PIGL: variants seen among roughly 807,000 people sequenced by gnomAD.
PIGL encodes the protein phosphatidylinositol glycan anchor biosynthesis class L, also known as N-acetylglucosaminyl-phosphatidylinositol de-N-acetylase.
A neutral mutation model predicts 31.1 loss-of-function variants in PIGL; 22 were observed. That is an observed-to-expected ratio of 0.71 (90% CI 0.51 to 1.01). The LOEUF is 1.01. Ranked by LOEUF, PIGL falls within the 50% of genes least tolerant of loss-of-function variation. The pLI, the probability that PIGL is intolerant of heterozygous loss-of-function variation, is 0.00. For synonymous variants in PIGL, 131 were observed against 117.4 expected, an observed-to-expected ratio of 1.12 and a Z score of -0.75; for missense variants, 302 against 315.9, an observed-to-expected ratio of 0.96 and a Z score of 0.33.
chr17:16,226,003 G>GAAA (rs59842953), intron 1 of PIGL, among the ~76,000 whole-genome samples: 1 of 129,484 alleles, frequency 7.7e-6, no homozygotes, highest in Non-Finnish European at 1.7e-5. Context: ...GCCAGACCAG[G>GAAA]AAAAAAAAAA....
intron 1 of PIGL, chr17:16,217,914 G>T (rs1183499147): frequency 6.5e-6 from 1 of 153,252 alleles, no homozygotes; most frequent in Admixed American, 6.5e-5. Context: ...TGCAGCTTGT[G>T]CTAGTAACAT....
intron 2 of PIGL, among the ~76,000 whole-genome samples, chr17:16,239,632 G>A (rs999021551): frequency 2.0e-5 from 3 of 152,190 alleles, no homozygotes; most frequent in African/African-American, 7.2e-5. Context: ...AGTGGAGAGA[G>A]ATGATGAGTT....
intron 2 of PIGL, among the ~76,000 whole-genome samples, chr17:16,262,034 T>A (rs566313173): frequency 4.5e-4 from 68 of 151,992 alleles, no homozygotes; most frequent in Middle Eastern, 3.4e-3. Flanking sequence ...ACCAGCCTGG[T>A]CGACATGGTG....
chr17:16,289,598 G>A (rs2092951899), intron 2 of PIGL, among the ~76,000 whole-genome samples: 1 of 152,170 alleles, frequency 6.6e-6, no homozygotes, highest in Non-Finnish European at 1.5e-5. Context: ...TAAAATGAAA[G>A]GAAGTTTCTA....
chr17:16,272,724 G>A (rs2092877886), intron 2 of PIGL, among the ~76,000 whole-genome samples: 1 of 152,094 alleles, frequency 6.6e-6, no homozygotes, highest in Non-Finnish European at 1.5e-5. Context: ...CAGCAGCTCT[G>A]GCCAATGCTG....
intron 4 of PIGL, among the ~76,000 whole-genome samples, chr17:16,315,482 GGTCCCCCTGTCCCC>G (rs972111440): frequency 4.6e-5 from 7 of 151,890 alleles, no homozygotes; most frequent in Middle Eastern, 3.4e-3. Context: ...GTGGCCCCTT[GGTCCCCCTGTCCCC>G]AGGGCTCACT....
At chr17:16,272,830 G>A (rs746541876) in intron 2 of PIGL, among the ~76,000 whole-genome samples, 5 of 152,042 alleles carry the variant, frequency 3.3e-5, no homozygotes, top group Admixed American at 6.6e-5. Context: ...CACTTGGGTC[G>A]GTCACCTTCA....
At chr17:16,240,180 C>CTA (rs1001097331) in intron 2 of PIGL, among the ~76,000 whole-genome samples, 3 of 152,126 alleles carry the variant, frequency 2.0e-5, no homozygotes, top group Admixed American at 6.6e-5. Context: ...CCCTCTCTCT[C>CTA]TTGCTCCTGC....
At chr17:16,290,692 T>G (rs933015641) in intron 2 of PIGL, among the ~76,000 whole-genome samples, 4 of 151,988 alleles carry the variant, frequency 2.6e-5, no homozygotes, top group African/African-American at 7.3e-5. Context: ...CCCAGACTTT[T>G]TTGTTGTTGT....
At chr17:16,231,288 G>A (rs1465686119) in intron 1 of PIGL, among the ~76,000 whole-genome samples, 1 of 144,514 alleles carries the variant, frequency 6.9e-6, no homozygotes, top group Non-Finnish European at 1.5e-5. Context: ...AGGCTGTAGT[G>A]CAGTGGTGTG....
At chr17:16,222,049 A>C in intron 1 of PIGL, among the ~76,000 whole-genome samples, 1 of 152,148 alleles carries the variant, frequency 6.6e-6, no homozygotes. Flanking sequence ...CTCCTGGTCT[A>C]ATTTTTAAAA....
intron 3 of PIGL, among the ~76,000 whole-genome samples, chr17:16,310,379 C>G (rs1361884476): frequency 2.0e-5 from 3 of 151,342 alleles, no homozygotes; most frequent in African/African-American, 4.9e-5. Flanking sequence ...AATAAGGGAT[C>G]CAGTAATGAC....
At chr17:16,239,441 C>G (rs1313905381) in intron 2 of PIGL, among the ~76,000 whole-genome samples, 1 of 151,542 alleles carries the variant, frequency 6.6e-6, no homozygotes, top group Non-Finnish European at 1.5e-5. Context: ...TGAGATCGCA[C>G]CACTGCACTC....
chr17:16,304,022 A>C (rs1041380353), intron 3 of PIGL, among the ~76,000 whole-genome samples: 1 of 152,098 alleles, frequency 6.6e-6, no homozygotes, highest in Non-Finnish European at 1.5e-5. Flanking sequence ...CCTACTAACA[A>C]ATTTCTTGTG....
intron 2 of PIGL, among the ~76,000 whole-genome samples, chr17:16,242,486 A>AT (rs2092726957): frequency 6.6e-6 from 1 of 151,926 alleles, no homozygotes; most frequent in African/African-American, 2.4e-5. Flanking sequence ...AGCTTTATTG[A>AT]TTTTTTAATG....
intron 2 of PIGL, among the ~76,000 whole-genome samples, chr17:16,254,311 T>C (rs1421963427): frequency 6.6e-6 from 1 of 152,124 alleles, no homozygotes; most frequent in African/African-American, 2.4e-5. Flanking sequence ...TCTTATTGCC[T>C]AGGCTAGAGT....
In PIGL at chr17:16,266,103, T is replaced by G. The variant is rs150442504; in HGVS notation, c.335+32033T>G. 5.6e-3 allele frequency among the ~76,000 whole-genome samples: 850 copies of G among 152,128 alleles called. 13 individuals carry two copies. Among genetic ancestry groups the G allele is most frequent in the African/African-American group, 0.019 (785 of 41,518 alleles). ...TCAGTGCTGTTTTACATAACCTCAT[T>G]CATCTCCAGAATTAGAATGAGTATC... On this transcript the variant is annotated intron_variant, in intron 2 of 6. Coordinates refer to ENST00000225609, the MANE Select transcript of PIGL (RefSeq NM_004278.4).
chr17:16,253,272 A>G lies in PIGL; in HGVS notation c.335+19202A>G, dbSNP rs144024295. Among the ~76,000 whole-genome samples, 29 of 152,246 alleles carry G rather than the reference A, an allele frequency of 1.9e-4. No homozygotes were observed. In the East Asian group the frequency reaches 5.2e-3, roughly 27 times the overall value. On this transcript the variant is annotated intron_variant, in intron 2 of 6. Coordinates refer to ENST00000225609, the MANE Select transcript of PIGL (RefSeq NM_004278.4). Reference sequence around the variant, plus strand: ...TCCGTCTCAAAAAAACAAACAAACAACAACAACAACAAAAACGTAAAACAA... The same window carrying G: ...TCCGTCTCAAAAAAACAAACAAACAGCAACAACAACAAAAACGTAAAACAA...
chr17:16,305,389 C>T (rs187218942), intron 3 of PIGL, among the ~76,000 whole-genome samples: 2 of 152,286 alleles, frequency 1.3e-5, no homozygotes, highest in African/African-American at 4.8e-5. Context: ...AGAGCAGCCC[C>T]ACAGTTACCT....
Sources: allele counts gnomAD v4.1 joint callset (sites outside exome capture counted in the v4.1 genomes callset), GRCh38; gene constraint gnomAD v4.1.1; transcripts MANE v1.5; gene names NCBI Gene and HGNC (gene_info 2026-07-23, HGNC 2026-07-21).